Variants in DPP7 observed in about 807,000 individuals in gnomAD.
DPP7 encodes the protein dipeptidyl peptidase 7.
In DPP7, 74 loss-of-function variants were observed where a neutral mutation model predicts 58.8. The ratio of observed to expected loss-of-function variants is 1.26; its 90% confidence interval spans 1.04 to 1.53. The LOEUF (loss-of-function observed/expected upper bound fraction) is 1.53, where lower values mean the gene tolerates loss of function less well. DPP7 is among the 40% of genes most tolerant of loss of function. The pLI is 0.00. For synonymous variants in DPP7, 350 were observed against 303.6 expected, an observed-to-expected ratio of 1.15 and a Z score of -1.59; for missense variants, 807 against 692.3, an observed-to-expected ratio of 1.17 and a Z score of -1.86.
At position 137,112,032 on chromosome 9, in the gene DPP7, G is replaced by T; in HGVS notation, c.1051-3C>A. 1.2e-6 allele frequency: 2 copies of T among 1,613,138 alleles called. No homozygotes were observed. The highest frequency in any genetic ancestry group is 1.7e-6 in the Non-Finnish European group (2 of 1,179,718). On this transcript the variant is annotated splice_polypyrimidine_tract_variant and splice_region_variant and intron_variant, in intron 9 of 12. Transcript: ENST00000371579. ...GTCAGGTTGATCTCGGTGCAGGCCTGCAGGTGCCCCAGCCTGAGTCAGGCC... is the reference window on the plus strand; with the variant it reads ...GTCAGGTTGATCTCGGTGCAGGCCTTCAGGTGCCCCAGCCTGAGTCAGGCC...
chr9:137,116,653 C>A (rs953571530), upstream of DPP7, among the ~76,000 whole-genome samples: 9 of 152,198 alleles, frequency 5.9e-5, no homozygotes, highest in Admixed American at 3.3e-4. Context: ...ACCTGATCGT[C>A]CCCCAGCCCG....
chr9:137,116,595 T>C (rs552758853), upstream of DPP7, among the ~76,000 whole-genome samples: 140 of 152,254 alleles, frequency 9.2e-4, no homozygotes, highest in Non-Finnish European at 1.7e-3. Context: ...TTGTCCAGGT[T>C]TCCCCCCAGT....
intron 4 of DPP7, 146 bp downstream of exon 4, chr9:137,113,719 G>C: frequency 1.4e-6 from 2 of 1,422,310 alleles, no homozygotes; most frequent in Non-Finnish European, 1.8e-6. Flanking sequence ...GGGCTTCCTG[G>C]GGGAGGCAAC....
At position 137,111,926 on chromosome 9, in the gene DPP7, G is replaced by T; in HGVS notation, c.1154C>A (p.Thr385Asn). ...DELRQRYCLDTWGVWPRPDWL... is the reference protein window; with the variant it reads ...DELRQRYCLDNWGVWPRPDWL... ...GTCGGGCCGGGGCCACACGCCCCAG[G>T]TGTCCAGGCAGTACCGCTGGCGGAG... Residue 385 changes from threonine to asparagine, a missense_variant, in exon 10 of 13, where the codon ACC becomes AAC. Around this residue, in one of 3 missense-constraint regions of DPP7, gnomAD observed 624 missense variants for 531.2 expected, o/e 1.17. Coordinates refer to ENST00000371579, the MANE Select transcript of DPP7 (RefSeq NM_013379.3). 1 of 1,613,504 alleles carries T rather than the reference G, an allele frequency of 6.2e-7. No individual in the cohort carries two copies. Among genetic ancestry groups the T allele is most frequent in the Non-Finnish European group, 8.5e-7 (1 of 1,179,840 alleles).
intron 8 of DPP7, 33 bp from the exon 9 acceptor site, chr9:137,112,263 A>G: frequency 6.5e-7 from 1 of 1,544,574 alleles, no homozygotes; most frequent in South Asian, 1.1e-5. Flanking sequence ...CCCAGCGGCC[A>G]CACACAGACA....
upstream of DPP7, among the ~76,000 whole-genome samples, chr9:137,115,868 G>A (rs1831622717): frequency 6.6e-6 from 1 of 152,170 alleles, no homozygotes; most frequent in African/African-American, 2.4e-5. Context: ...CTGCCTGCCG[G>A]GGCCCCCGCA....
chr9:137,112,493 G>C (rs1379080443), intron 8 of DPP7: 1 of 629,486 alleles, frequency 1.6e-6, no homozygotes, highest in Non-Finnish European at 2.7e-6. Context: ...CTCCATGCTG[G>C]GGACCCCAGG....
chr9:137,113,365 G>A lies in DPP7; in HGVS notation c.617C>T (p.Thr206Met), dbSNP rs201995932. Residue 206 changes from threonine (T) to methionine (M), a missense_variant, in exon 5 of 13, where the codon ACG becomes ATG. Physicochemically the swap from Thr to Met is moderately conservative, Grantham distance 81. Coordinates refer to ENST00000371579, the MANE Select transcript of DPP7 (RefSeq NM_013379.3). ...GDSNQFFRDV[T>M]ADFEGQSPKC... The stretch of plus-strand genomic sequence containing the variant: ...AGGACCCCAAGCCTCACTCACCGCC[G>A]TGACGTCCCGGAAGAACTGGTTGGA... 1.9e-6 allele frequency: 3 copies of A among 1,611,280 alleles called. No individual in the cohort carries two copies. Among genetic ancestry groups the A allele is most frequent in the East Asian group, 2.2e-5 (1 of 44,794 alleles).
intron 11 of DPP7, 139 bp from the exon 12 acceptor site, chr9:137,111,089 C>CT (rs1831339998): frequency 1.2e-6 from 1 of 867,476 alleles, no homozygotes. Context: ...CAGCCAGAGA[C>CT]GGAGGTGGGA....
intron 4 of DPP7, 68 bp from the exon 5 acceptor site, chr9:137,113,564 G>T (rs749644713): frequency 6.7e-7 from 1 of 1,491,520 alleles, no homozygotes; most frequent in Non-Finnish European, 8.9e-7. Flanking sequence ...CTCCTCAGGG[G>T]CCCACAGGTG....
Position 137,112,557 on chromosome 9 carries a change from G to A in DPP7, c.931+188C>T, listed in dbSNP as rs2131149397. On this transcript the variant is annotated intron_variant, in intron 8 of 12. Transcript: ENST00000371579. ...GGCCTGGCTACAGCCAGTGCTGAGA[G>A]GGTCCCCAGGGACGGCCCCTGCCTC... 4 of 756,860 alleles carry A rather than the reference G, an allele frequency of 5.3e-6. No individual in the cohort carries two copies. In the East Asian group the frequency reaches 8.1e-5, roughly 15 times the overall value. The allele number at this position is 756,860 out of a possible 1,614,324, so 46.9% of individuals were successfully genotyped here.
In DPP7 at chr9:137,113,946, A is replaced by G; in HGVS notation, c.404T>C (p.Leu135Pro). 4.4e-6 allele frequency: 7 copies of G among 1,587,268 alleles called. No individual in the cohort carries two copies. Among genetic ancestry groups the G allele is most frequent in the Non-Finnish European group, 5.1e-6 (6 of 1,172,924 alleles). Residue 135 changes from leucine to proline, a missense_variant, in exon 4 of 13, where the codon CTG (leucine) becomes CCG (proline). Leu to Pro is a moderately conservative substitution (Grantham distance 98). Coordinates refer to ENST00000371579, the MANE Select transcript of DPP7 (RefSeq NM_013379.3). ...HTELLTVEQALADFAELLRAL... is the reference protein window; with the variant it reads ...HTELLTVEQAPADFAELLRAL... Reference sequence around the variant, plus strand: ...GCGGAGCAGCTCTGCGAAGTCGGCCAGGGCCTGCTCCACCGTCAGCAGCTC... The same window carrying G: ...GCGGAGCAGCTCTGCGAAGTCGGCCGGGGCCTGCTCCACCGTCAGCAGCTC...
At chr9:137,116,504 G>C (rs538971938), upstream of DPP7, among the ~76,000 whole-genome samples, 4 of 152,232 alleles carry the variant, frequency 2.6e-5, no homozygotes, top group Non-Finnish European at 5.9e-5. Flanking sequence ...AAAAGTCATC[G>C]CCATCCTCCA....
Position 137,111,946 on chromosome 9 carries a change from G to A in DPP7, c.1134C>T (p.Arg378=), listed in dbSNP as rs1295158561. The change falls in exon 10 of 13, where the codon CGC becomes CGT. Residue 378 remains arginine (R), a synonymous_variant. Transcript: ENST00000371579. ...FPDLPFTDEL[R]QRYCLDTWGV... is the part of the protein sequence containing the mutation. Reference sequence around the variant, plus strand: ...CCCAGGTGTCCAGGCAGTACCGCTGGCGGAGCTCGTCAGTGAAGGGCAGGT... The same window carrying A: ...CCCAGGTGTCCAGGCAGTACCGCTGACGGAGCTCGTCAGTGAAGGGCAGGT... 4 of 1,613,568 alleles carry A rather than the reference G, an allele frequency of 2.5e-6. No individual in the cohort carries two copies. The highest frequency in any genetic ancestry group is 3.4e-6 in the Non-Finnish European group (4 of 1,179,788).
At chr9:137,116,267 CA>C (rs1831633379), upstream of DPP7, among the ~76,000 whole-genome samples, 1 of 152,240 alleles carries the variant, frequency 6.6e-6, no homozygotes, top group Non-Finnish European at 1.5e-5. Context: ...ATGGCTCTGC[CA>C]GGGGTGAGGG....
At chr9:137,115,627 G>C (rs1347928744), upstream of DPP7, among the ~76,000 whole-genome samples, 1 of 152,136 alleles carries the variant, frequency 6.6e-6, no homozygotes, top group East Asian at 1.9e-4. Flanking sequence ...TGCCCATCCT[G>C]TGTGGGGCTG....
chr9:137,114,662 C>A lies in DPP7; in HGVS notation c.52G>T (p.Gly18Cys), dbSNP rs769564548. Residue 18 changes from glycine to cysteine, a missense_variant, in exon 1 of 13, where the codon GGC becomes TGC. Gly to Cys is a radical substitution (Grantham distance 159). Transcript: ENST00000371579. The part of the protein sequence containing the change: ...PVLLLALGLR[G>C]LQAGARRAPD... ...CGCCACTCACCCCCCGCCTGGAGGC[C>A]GCGCAGCCCGAGCGCCAGCAGCAGG... 7.3e-6 allele frequency: 10 copies of A among 1,364,922 alleles called. No homozygotes were observed. Among genetic ancestry groups the A allele is most frequent in the African/African-American group, 1.5e-5 (1 of 64,916 alleles). 84.6% of individuals were successfully genotyped at this position (1,364,922 alleles called of 1,614,324 possible). A position where few individuals can be genotyped will look rare whatever the true frequency, so the allele number is the denominator to read the frequency against.
At chr9:137,115,651 G>A (rs1207631478), upstream of DPP7, among the ~76,000 whole-genome samples, 1 of 152,084 alleles carries the variant, frequency 6.6e-6, no homozygotes. Context: ...GGAGAAGACC[G>A]GCCACTTCCA....
chr9:137,112,534 C>T, intron 8 of DPP7: 1 of 689,160 alleles, frequency 1.5e-6, no homozygotes, highest in Non-Finnish European at 2.4e-6. Context: ...CCAAGCTGGG[C>T]CTGGCTACAG....
Sources: gnomAD v4.1 joint callset for allele counts (sites outside exome capture counted in the v4.1 genomes callset) on GRCh38, gnomAD v4.1.1 for gene constraint, gnomAD v4.1.1 regional missense constraint, MANE v1.5 for transcripts, NCBI Gene and HGNC (gene_info 2026-07-23, HGNC 2026-07-21) for gene names.